KCTD16: variants seen among roughly 807,000 people sequenced by gnomAD.
The protein encoded by KCTD16 is BTB/POZ domain-containing protein KCTD16.
A neutral mutation model predicts 33.2 loss-of-function variants in KCTD16; 13 were observed. The ratio of observed to expected loss-of-function variants is 0.39; its 90% CI spans 0.25 to 0.62. The LOEUF (loss-of-function observed/expected upper bound fraction) is 0.62, where lower values mean the gene tolerates loss of function less well. Among genes scored for constraint, KCTD16 ranks in the 20% least tolerant of loss-of-function variants. The pLI is 0.50. For missense variants in KCTD16, 441 were observed against 525.1 expected (o/e 0.84, Z 1.57); for synonymous variants, 197 against 195.3 (o/e 1.01, Z -0.07).
intron 3 of KCTD16, among the ~76,000 whole-genome samples, chr5:144,264,608 T>C (rs1267841349): frequency 6.6e-6 from 1 of 151,710 alleles, no homozygotes; most frequent in Non-Finnish European, 1.5e-5. Context: ...AAAAAAAACA[T>C]AGAAAATGTA....
intron 3 of KCTD16, among the ~76,000 whole-genome samples, chr5:144,401,928 T>C (rs1193789512): frequency 6.6e-6 from 1 of 152,154 alleles, no homozygotes. Context: ...GGATTCCTGT[T>C]CTCTTCATTT....
chr5:144,300,056 C>T (rs1322531705), intron 3 of KCTD16, among the ~76,000 whole-genome samples: 1 of 152,052 alleles, frequency 6.6e-6, no homozygotes, highest in East Asian at 1.9e-4. Flanking sequence ...TGCTTCTAAA[C>T]CAGTTGAGCC....
chr5:144,305,764 A>G (rs1751589332), intron 3 of KCTD16, among the ~76,000 whole-genome samples: 1 of 152,212 alleles, frequency 6.6e-6, no homozygotes, highest in East Asian at 1.9e-4. Context: ...CAGTGAGCTG[A>G]GATCGTGCCA....
intron 3 of KCTD16, among the ~76,000 whole-genome samples, chr5:144,392,619 A>G (rs1348669392): frequency 2.0e-5 from 3 of 152,198 alleles, no homozygotes; most frequent in Non-Finnish European, 2.9e-5. Context: ...ACTGTTTACC[A>G]TGTATCTCTA....
chr5:144,224,316 A>C (rs1281968492), intron 3 of KCTD16, among the ~76,000 whole-genome samples: 1 of 150,668 alleles, frequency 6.6e-6, no homozygotes, highest in East Asian at 2.0e-4. Context: ...AGTAGTTTGG[A>C]ATTATTTTCT....
chr5:144,341,952 T>A (rs1050972336), intron 3 of KCTD16, among the ~76,000 whole-genome samples: 4 of 152,096 alleles, frequency 2.6e-5, no homozygotes, highest in Admixed American at 2.6e-4. Context: ...TCATGGAAGT[T>A]TTTCAGTAGT....
chr5:144,376,147 T>C (rs566546292), intron 3 of KCTD16, among the ~76,000 whole-genome samples: 7 of 152,244 alleles, frequency 4.6e-5, no homozygotes, highest in African/African-American at 1.7e-4. Context: ...TACCTTTTTT[T>C]CCATTTTCTT....
intron 3 of KCTD16, among the ~76,000 whole-genome samples, chr5:144,452,396 T>C (rs1753963775): frequency 6.6e-6 from 1 of 151,776 alleles, no homozygotes; most frequent in Admixed American, 6.6e-5. Context: ...TCTTTTTTAC[T>C]GGCAGAAGGA....
At chr5:144,225,634 C>G (rs1753909763) in intron 3 of KCTD16, among the ~76,000 whole-genome samples, 1 of 150,786 alleles carries the variant, frequency 6.6e-6, no homozygotes, top group African/African-American at 2.4e-5. Flanking sequence ...GTTTCTGGCT[C>G]TAGAATCAGT....
intron 2 of KCTD16, among the ~76,000 whole-genome samples, chr5:144,193,861 G>A (rs1394423485): frequency 1.3e-5 from 2 of 152,156 alleles, no homozygotes; most frequent in African/African-American, 4.8e-5. Context: ...TGAGTGTTGG[G>A]TGCCAATGGA....
At chr5:144,274,373 A>G (rs886504925) in intron 3 of KCTD16, among the ~76,000 whole-genome samples, 1 of 152,156 alleles carries the variant, frequency 6.6e-6, no homozygotes, top group Admixed American at 6.5e-5. Context: ...ATAGTGGACA[A>G]GTAGGTAGGG....
At chr5:144,191,269 AGTG>A (rs1014191854) in intron 2 of KCTD16, among the ~76,000 whole-genome samples, 4 of 152,274 alleles carry the variant, frequency 2.6e-5, no homozygotes, top group East Asian at 3.9e-4. Context: ...ACTCTGTAGA[AGTG>A]GTGGTCGTTG....
chr5:144,241,275 C>T (rs192288488), intron 3 of KCTD16, among the ~76,000 whole-genome samples: 1 of 152,254 alleles, frequency 6.6e-6, no homozygotes, highest in East Asian at 1.9e-4. Flanking sequence ...GTTCTCAAAA[C>T]ATTTTTCAGA....
At chr5:144,369,318 T>C (rs550330446) in intron 3 of KCTD16, 1 of 151,082 alleles carries the variant, frequency 6.6e-6, no homozygotes, top group South Asian at 2.1e-4. Flanking sequence ...CACCCTCTAC[T>C]GTTTGTTTTT....
chr5:144,422,697 T>C (rs1428016387), intron 3 of KCTD16, among the ~76,000 whole-genome samples: 2 of 152,104 alleles, frequency 1.3e-5, no homozygotes, highest in Non-Finnish European at 2.9e-5. Flanking sequence ...TCCTCAAAAA[T>C]TGGATATTTA....
intron 3 of KCTD16, among the ~76,000 whole-genome samples, chr5:144,262,187 C>A (rs1308471594): frequency 1.3e-5 from 2 of 152,068 alleles, no homozygotes; most frequent in Non-Finnish European, 2.9e-5. Flanking sequence ...TGAACCAAGA[C>A]CTGTAACCTG....
At chr5:144,350,323 T>C (rs1751388968) in intron 3 of KCTD16, among the ~76,000 whole-genome samples, 1 of 152,142 alleles carries the variant, frequency 6.6e-6, no homozygotes, top group Non-Finnish European at 1.5e-5. Context: ...CAAGGCCTGG[T>C]TATTTTTCTT....
chr5:144,483,010 A>AT lies in KCTD16; in HGVS notation c.*8899dup, dbSNP rs1754735172. The AT allele has an allele frequency of 6.6e-6, 1 of 151,578 alleles. No homozygotes were observed. The highest frequency in any genetic ancestry group is 2.4e-5 in the African/African-American group (1 of 41,314). 9.4% of individuals were successfully genotyped at this position (151,578 alleles called of 1,614,324 possible). A position where few individuals can be genotyped will look rare whatever the true frequency, so the allele number is the denominator to read the frequency against. On this transcript the variant is annotated 3_prime_UTR_variant, in exon 4 of 4. Transcript: ENST00000512467. ...CCGAGAACATTAACAAAATATTTAG[A>AT]TTTAATATCTATGAATAATAAACCA...
At chr5:144,233,193 A>C (rs527837928) in intron 3 of KCTD16, among the ~76,000 whole-genome samples, 15 of 152,136 alleles carry the variant, frequency 9.9e-5, no homozygotes, top group Non-Finnish European at 2.1e-4. Context: ...AAAGAAAGCC[A>C]CATCAACTGT....
Sources: allele counts gnomAD v4.1 joint callset (sites outside exome capture counted in the v4.1 genomes callset), GRCh38; gene constraint gnomAD v4.1.1; transcripts MANE v1.5; gene names NCBI Gene and HGNC (gene_info 2026-07-23, HGNC 2026-07-21).